Variants in ZNF385B observed in about 807,000 individuals in gnomAD.
The protein encoded by ZNF385B is zinc finger protein 533.
A neutral mutation model predicts 39.2 loss-of-function variants in ZNF385B; 23 were observed. The observed-to-expected ratio is 0.59, with a 90% CI of 0.42 to 0.83. The LOEUF is 0.83. ZNF385B is among the 40% of genes least tolerant of loss of function. The probability of loss-of-function intolerance (pLI) is 0.00; values close to 1 mark genes in which losing one functional copy is unlikely to be tolerated. For synonymous variants in ZNF385B, 205 were observed against 222.6 expected (o/e 0.92, Z 0.70); for missense variants, 552 against 598.9 (o/e 0.92, Z 0.82).
At chr2:179,686,784 C>T (rs1467793156) in intron 3 of ZNF385B, among the ~76,000 whole-genome samples, 1 of 152,064 alleles carries the variant, frequency 6.6e-6, no homozygotes, top group African/African-American at 2.4e-5. Flanking sequence ...TCTTAATCTA[C>T]TAAAAACTGA....
At chr2:179,786,698 C>CTT (rs201773197) in intron 1 of ZNF385B, among the ~76,000 whole-genome samples, 11 of 140,258 alleles carry the variant, frequency 7.8e-5, no homozygotes, top group African/African-American at 1.3e-4. Context: ...CTTTCTTTTT[C>CTT]TTTTTTTTTT....
intron 1 of ZNF385B, among the ~76,000 whole-genome samples, chr2:179,848,312 T>C (rs1708904714): frequency 1.3e-5 from 2 of 152,322 alleles, no homozygotes; most frequent in Non-Finnish European, 2.9e-5. Flanking sequence ...AATCATATCT[T>C]GTAAACCGAT....
At chr2:179,603,262 C>T (rs1688547402) in intron 3 of ZNF385B, among the ~76,000 whole-genome samples, 1 of 152,106 alleles carries the variant, frequency 6.6e-6, no homozygotes, top group Admixed American at 6.6e-5. Context: ...CAGTATTACC[C>T]ATCTTTATAG....
At position 179,531,891 on chromosome 2, in the gene ZNF385B, TA is replaced by T. The variant is rs1259199881; in HGVS notation, c.441+12935del. ...TATTTTATGTCTTCTGTTCATCTGCTATTGCCCTTTTGTATAAATAGGTATG... is the reference window on the plus strand; with the variant it reads ...TATTTTATGTCTTCTGTTCATCTGCTTTGCCCTTTTGTATAAATAGGTATG... On this transcript the variant is annotated intron_variant, in intron 4 of 9. Coordinates refer to ENST00000410066, the MANE Select transcript of ZNF385B (RefSeq NM_152520.6). Among the ~76,000 whole-genome samples the T allele has an allele frequency of 2.0e-5, 3 of 152,236 alleles. No homozygotes were observed. In the East Asian group the frequency reaches 5.8e-4, roughly 29 times the overall value.
At chr2:179,739,064 T>C (rs1238765457) in intron 3 of ZNF385B, among the ~76,000 whole-genome samples, 1 of 152,232 alleles carries the variant, frequency 6.6e-6, no homozygotes, top group East Asian at 1.9e-4. Context: ...AAATCTCAGC[T>C]GAGCTAGCTA....
At chr2:179,586,840 C>T (rs1419687473) in intron 3 of ZNF385B, among the ~76,000 whole-genome samples, 1 of 152,072 alleles carries the variant, frequency 6.6e-6, no homozygotes, top group Non-Finnish European at 1.5e-5. Flanking sequence ...AGTTCGAGAC[C>T]AGCCTGATCA....
At chr2:179,445,042 T>C in intron 8 of ZNF385B, 65 bp from the exon 9 acceptor site, 3 of 1,427,250 alleles carry the variant, frequency 2.1e-6, no homozygotes, top group Non-Finnish European at 3.0e-6. Flanking sequence ...AACGTATTTC[T>C]AGGTAGCTAT....
At chr2:179,689,635 G>A (rs531609647) in intron 3 of ZNF385B, among the ~76,000 whole-genome samples, 13 of 152,210 alleles carry the variant, frequency 8.5e-5, no homozygotes, top group Admixed American at 5.9e-4. Context: ...CTTCTAGATC[G>A]AATATTCCCC....
chr2:179,626,589 C>T (rs3112964), intron 3 of ZNF385B, among the ~76,000 whole-genome samples: 17,760 of 152,058 alleles, frequency 0.12, 1,573 homozygotes, highest in African/African-American at 0.24. Flanking sequence ...ATGGGCTTAA[C>T]TTATAATTCA....
intron 3 of ZNF385B, among the ~76,000 whole-genome samples, chr2:179,674,954 TA>T (rs1696546077): frequency 6.6e-6 from 1 of 151,994 alleles, no homozygotes; most frequent in South Asian, 2.1e-4. Flanking sequence ...CTATACAGAG[TA>T]AAAAGAAAAT....
intron 3 of ZNF385B, among the ~76,000 whole-genome samples, chr2:179,699,104 A>C (rs955535954): frequency 1.3e-5 from 1 of 78,398 alleles, no homozygotes; most frequent in African/African-American, 4.6e-5. Context: ...GACAATTAAA[A>C]ATTTTGTGTT....
At chr2:179,815,790 T>C (rs1237240506) in intron 1 of ZNF385B, among the ~76,000 whole-genome samples, 3 of 152,160 alleles carry the variant, frequency 2.0e-5, no homozygotes, top group Admixed American at 1.3e-4. Flanking sequence ...CCTTCATTCT[T>C]GAAAATTATA....
chr2:179,620,786 C>T (rs1690146183), intron 3 of ZNF385B, among the ~76,000 whole-genome samples: 1 of 152,128 alleles, frequency 6.6e-6, no homozygotes, highest in East Asian at 1.9e-4. Context: ...ATTCCTGAGG[C>T]CTTCTCTAAT....
chr2:179,571,688 C>T (rs780281429), intron 3 of ZNF385B, among the ~76,000 whole-genome samples: 24 of 152,140 alleles, frequency 1.6e-4, no homozygotes, highest in Non-Finnish European at 2.2e-4. Context: ...TTTCACATGG[C>T]GTTTCTCAAA....
At chr2:179,598,941 A>G (rs1366167383) in intron 3 of ZNF385B, among the ~76,000 whole-genome samples, 2 of 152,186 alleles carry the variant, frequency 1.3e-5, no homozygotes, top group African/African-American at 4.8e-5. Flanking sequence ...TATAAGCAAC[A>G]GATTTTTATA....
At chr2:179,745,740 T>C (rs992845249) in intron 3 of ZNF385B, 2 of 1,543,780 alleles carry the variant, frequency 1.3e-6, no homozygotes, top group African/African-American at 1.4e-5. Flanking sequence ...CTCCACATCC[T>C]GGCAGGGCTC....
chr2:179,585,758 T>G (rs1687014720), intron 3 of ZNF385B: 1 of 152,172 alleles, frequency 6.6e-6, no homozygotes, highest in Admixed American at 6.5e-5. Context: ...TAGGAATCAC[T>G]TTCCTCACAT....
chr2:179,669,255 T>C lies in ZNF385B; in HGVS notation c.298+100248A>G, dbSNP rs897973634. Among the ~76,000 whole-genome samples the C allele has an allele frequency of 2.0e-5, 3 of 152,048 alleles. No homozygotes were observed. In the East Asian group the frequency reaches 5.8e-4, roughly 29 times the overall value. ...AGGAGTGGGGATTTGAAAGCAGGAG[T>C]TCTGGCCCTGCAGCCGGACCCTTTA... is the stretch of plus-strand genomic sequence containing the variant. On this transcript the variant is annotated intron_variant, in intron 3 of 9. Transcript: ENST00000410066.
intron 1 of ZNF385B, among the ~76,000 whole-genome samples, chr2:179,782,247 CAA>C (rs1704711363): frequency 6.6e-6 from 1 of 152,130 alleles, no homozygotes; most frequent in Admixed American, 6.5e-5. Flanking sequence ...ATGATTATCT[CAA>C]TAGACACAGA....
Sources: gnomAD v4.1 joint callset for allele counts (sites outside exome capture counted in the v4.1 genomes callset) on GRCh38, gnomAD v4.1.1 for gene constraint, MANE v1.5 for transcripts, NCBI Gene and HGNC (gene_info 2026-07-23, HGNC 2026-07-21) for gene names.